The following EDIL3 variants were observed in gnomAD, a reference collection of about 807,000 sequenced individuals.
EDIL3 encodes the protein EGF like and discoidin domains 3, also known as EGF-like repeat and discoidin I-like domain-containing protein 3.
Under a neutral mutation model 67.4 loss-of-function variants are expected in EDIL3, and 37 were observed. The ratio of observed to expected loss-of-function variants is 0.55; its 90% confidence interval spans 0.42 to 0.72. The LOEUF (loss-of-function observed/expected upper bound fraction) is 0.72. EDIL3 is among the 30% of genes least tolerant of loss of function. EDIL3 has a pLI of 0.00. For missense variants in EDIL3, 527 were observed against 586.3 expected (o/e 0.90, Z 1.04); for synonymous variants, 195 against 196.3 (o/e 0.99, Z 0.05).
intron 1 of EDIL3, among the ~76,000 whole-genome samples, chr5:84,309,806 G>C (rs923591554): frequency 6.6e-6 from 1 of 152,144 alleles, no homozygotes; most frequent in African/African-American, 2.4e-5. Flanking sequence ...ATAAACACGT[G>C]TGCATGTGTC....
At position 84,055,039 on chromosome 5, in the gene EDIL3, C is replaced by T. The variant is rs1283242540; in HGVS notation, c.1137+5261G>A. On this transcript the variant is annotated intron_variant, in intron 9 of 10. Coordinates refer to ENST00000296591, the MANE Select transcript of EDIL3 (RefSeq NM_005711.5). The stretch of plus-strand genomic sequence containing the variant: ...CAAAAGAACAAAGCTGGAGACATCA[C>T]GCTACCTGACTTCAAACTGTACTAC... 6.2e-5 allele frequency among the ~76,000 whole-genome samples: 9 copies of T among 146,180 alleles called. 1 individual carries two copies. The highest frequency in any genetic ancestry group is 4.0e-4 in the East Asian group (2 of 4,972).
chr5:84,133,891 T>C lies in EDIL3; in HGVS notation c.469+3350A>G, dbSNP rs1748042337. On this transcript the variant is annotated intron_variant, in intron 5 of 10. Transcript: ENST00000296591. ...CATCTAGAAGTCTAAACTGAAATTA[T>C]TTAAATCAGAAATATGTATTATTGC... is the stretch of plus-strand genomic sequence containing the variant. 1.3e-5 allele frequency among the ~76,000 whole-genome samples: 2 copies of C among 152,104 alleles called. 1 individual carries two copies. The highest frequency in any genetic ancestry group is 4.1e-4 in the South Asian group (2 of 4,826).
chr5:84,249,755 T>C (rs960064868), intron 2 of EDIL3, among the ~76,000 whole-genome samples: 2 of 152,194 alleles, frequency 1.3e-5, no homozygotes, highest in African/African-American at 4.8e-5. Context: ...CCACAGAACT[T>C]GTACAATTTA....
chr5:84,161,674 C>T (rs543752192), intron 4 of EDIL3, among the ~76,000 whole-genome samples: 2 of 151,994 alleles, frequency 1.3e-5, no homozygotes, highest in Admixed American at 6.6e-5. Context: ...AGTTTTGTAG[C>T]ATCTAAAAAT....
chr5:84,152,105 A>G (rs760656513), intron 4 of EDIL3, among the ~76,000 whole-genome samples: 20 of 151,772 alleles, frequency 1.3e-4, no homozygotes, highest in Non-Finnish European at 2.5e-4. Context: ...TTCTTAGTAG[A>G]GGCGGGGTTT....
intron 1 of EDIL3, among the ~76,000 whole-genome samples, chr5:84,382,025 G>C (rs544745847): frequency 3.1e-4 from 47 of 152,312 alleles, no homozygotes; most frequent in Middle Eastern, 3.4e-3. Flanking sequence ...CAATAAGTTT[G>C]CCGGAAGTTT....
chr5:84,131,748 T>C (rs1473701289), intron 5 of EDIL3, among the ~76,000 whole-genome samples: 1 of 152,158 alleles, frequency 6.6e-6, no homozygotes, highest in East Asian at 1.9e-4. Flanking sequence ...GGTGAAAAGA[T>C]ACAGTTTAGT....
At chr5:84,382,472 C>G (rs1748100939) in intron 1 of EDIL3, among the ~76,000 whole-genome samples, 1 of 152,162 alleles carries the variant, frequency 6.6e-6, no homozygotes, top group Non-Finnish European at 1.5e-5. Context: ...TCTCCTCTAC[C>G]CCGCGCCGCC....
At chr5:84,362,564 C>G (rs888813161) in intron 1 of EDIL3, among the ~76,000 whole-genome samples, 1 of 152,054 alleles carries the variant, frequency 6.6e-6, no homozygotes, top group African/African-American at 2.4e-5. Flanking sequence ...CCAACATAAA[C>G]AAACCTGAGA....
intron 2 of EDIL3, among the ~76,000 whole-genome samples, chr5:84,244,160 A>G (rs1371426998): frequency 6.6e-6 from 1 of 152,214 alleles, no homozygotes; most frequent in Non-Finnish European, 1.5e-5. Context: ...GTAATTCCTC[A>G]TATCAAATAG....
chr5:84,141,906 C>CATATATATAT (rs1178660927), intron 4 of EDIL3, among the ~76,000 whole-genome samples: 1,324 of 96,718 alleles, frequency 0.014, 42 homozygotes, highest in African/African-American at 0.045. Flanking sequence ...ACAAACTACT[C>CATATATATAT]ATATATATAT....
intron 9 of EDIL3, among the ~76,000 whole-genome samples, chr5:84,054,777 G>C (rs1746411631): frequency 6.6e-6 from 1 of 151,460 alleles, no homozygotes; most frequent in Non-Finnish European, 1.5e-5. Context: ...TCTTCAAGGA[G>C]AACTACAAAC....
At chr5:83,958,322 T>C (rs2112124492) in intron 10 of EDIL3, among the ~76,000 whole-genome samples, 1 of 151,650 alleles carries the variant, frequency 6.6e-6, no homozygotes, top group East Asian at 2.0e-4. Flanking sequence ...AAACAAGCTC[T>C]CCTCATGAGT....
chr5:84,079,017 G>C (rs977212481), intron 6 of EDIL3, among the ~76,000 whole-genome samples: 2 of 152,106 alleles, frequency 1.3e-5, no homozygotes, highest in African/African-American at 4.8e-5. Context: ...TGAAGGTTGA[G>C]TTCACCATTA....
intron 4 of EDIL3, among the ~76,000 whole-genome samples, chr5:84,168,246 A>T (rs560233300): frequency 6.6e-6 from 1 of 152,144 alleles, no homozygotes; most frequent in East Asian, 1.9e-4. Context: ...TTTAGCATGT[A>T]ATTATTAGTC....
intron 5 of EDIL3, among the ~76,000 whole-genome samples, chr5:84,118,419 T>G (rs1230644088): frequency 6.6e-6 from 1 of 152,128 alleles, no homozygotes; most frequent in Non-Finnish European, 1.5e-5. Context: ...ATCATACAAT[T>G]TACAAATGCA....
At chr5:84,377,326 A>G (rs1347976878) in intron 1 of EDIL3, among the ~76,000 whole-genome samples, 2 of 150,688 alleles carry the variant, frequency 1.3e-5, no homozygotes, top group Non-Finnish European at 3.0e-5. Flanking sequence ...AAAAAAAAAA[A>G]GAGTGAAGCA....
chr5:84,271,973 A>T (rs893518435), intron 1 of EDIL3, among the ~76,000 whole-genome samples: 4 of 152,124 alleles, frequency 2.6e-5, no homozygotes, highest in Non-Finnish European at 4.4e-5. Flanking sequence ...GCTTAATTTT[A>T]AAAAGTTTTG....
chr5:84,092,696 T>C (rs1036070647), intron 6 of EDIL3, among the ~76,000 whole-genome samples: 1 of 152,164 alleles, frequency 6.6e-6, no homozygotes. Context: ...TTAACAATAT[T>C]ACATCTAAAG....
Sources: gnomAD v4.1 joint callset for allele counts (sites outside exome capture counted in the v4.1 genomes callset) on GRCh38, gnomAD v4.1.1 for gene constraint, MANE v1.5 for transcripts, NCBI Gene and HGNC (gene_info 2026-07-23, HGNC 2026-07-21) for gene names.